The following MDN1 variants were observed in gnomAD, a reference collection of about 807,000 sequenced individuals.
MDN1 encodes midasin AAA ATPase 1.
MDN1 carries 266 observed loss-of-function variants against 669.2 expected under a neutral mutation model. The observed-to-expected ratio is 0.40, with a 90% confidence interval of 0.36 to 0.44. The LOEUF (loss-of-function observed/expected upper bound fraction) is 0.44, where lower values mean the gene tolerates loss of function less well. Among genes scored for constraint, MDN1 ranks in the 20% least tolerant of loss-of-function variants. The pLI is 1.00. For missense variants in MDN1, 5,940 were observed against 6,754.0 expected (o/e 0.88, Z 4.22); for synonymous variants, 2,385 against 2,457.1 (o/e 0.97, Z 0.87).
intron 5 of MDN1, 63 bp downstream of exon 5, chr6:89,793,699 G>A: frequency 2.2e-6 from 3 of 1,392,178 alleles, no homozygotes; most frequent in Non-Finnish European, 2.9e-6. Context: ...CCCAGCCAAA[G>A]ACAGAGCACA....
chr6:89,690,980 G>T, intron 63 of MDN1, 146 bp from the exon 64 acceptor site: 1 of 981,098 alleles, frequency 1.0e-6, no homozygotes, highest in Non-Finnish European at 1.5e-6. Context: ...TAAATTCCAT[G>T]GAATAAAGAG....
At chr6:89,806,975 A>G (rs2128330268) in intron 1 of MDN1, among the ~76,000 whole-genome samples, 1 of 152,248 alleles carries the variant, frequency 6.6e-6, no homozygotes, top group South Asian at 2.1e-4. Context: ...ATATAAAAAT[A>G]TAACTCATTT....
Position 89,690,795 on chromosome 6 carries a change from G to C in MDN1, c.10627C>G (p.Gln3543Glu), listed in dbSNP as rs1812330724. The C allele has an allele frequency of 6.2e-7, 1 of 1,613,910 alleles. No homozygotes were observed. Among genetic ancestry groups the C allele is most frequent in the Non-Finnish European group, 8.5e-7 (1 of 1,180,024 alleles). ...CCGCTTTCCTGCTCAGCCTTCTCTT[G>C]GGCTATGCGTTCCTGCTCATCCCAC... ...SEWDEQERIA[Q>E]EKAEQESGLY... Residue 3543 changes from glutamine (Q) to glutamate (E), a missense_variant, in exon 64 of 102, where the codon CAA becomes GAA. Gln to Glu is a conservative substitution (Grantham distance 29). This residue lies in a region of MDN1 where 2,280 missense variants were observed against 2,576.3 expected (regional missense o/e 0.88). Transcript: ENST00000369393.
chr6:89,763,134 T>C (rs1238389930), intron 15 of MDN1, among the ~76,000 whole-genome samples: 1 of 152,094 alleles, frequency 6.6e-6, no homozygotes, highest in Non-Finnish European at 1.5e-5. Flanking sequence ...CATGTCTAAA[T>C]AAATATGTAT....
At chr6:89,789,932 A>T in intron 6 of MDN1, 21 bp from the exon 7 acceptor site, 1 of 1,606,194 alleles carries the variant, frequency 6.2e-7, no homozygotes, top group Non-Finnish European at 8.5e-7. Context: ...AAGATAAAGT[A>T]ATTACTGAAA....
Position 89,675,566 on chromosome 6 carries a change from C to T in MDN1, c.12659G>A (p.Gly4220Asp). Residue 4220 changes from glycine to aspartate, a missense_variant, in exon 78 of 102, where the codon GGC (glycine) becomes GAC (aspartate). Transcript: ENST00000369393. ...GAACCCTCTGCACCTCTCCACGTTG[C>T]CCATGCCCATTTCCTGGCAGAAGAA... ...LATPAKEMGM[G>D]NVERCRGFSA... 1 of 1,613,620 alleles carries T rather than the reference C, an allele frequency of 6.2e-7. No individual in the cohort carries two copies. Among genetic ancestry groups the T allele is most frequent in the South Asian group, 1.1e-5 (1 of 91,026 alleles).
At position 89,803,321 on chromosome 6, in the gene MDN1, T is replaced by C; in HGVS notation, c.329+7A>G. On this transcript the variant is annotated splice_region_variant and intron_variant, in intron 2 of 101. Transcript: ENST00000369393. ...GGAGAAATGCGAATAATAAAATTGCTACTCACGGGAGGACATCAGGATGGT... is the reference window on the plus strand; with the variant it reads ...GGAGAAATGCGAATAATAAAATTGCCACTCACGGGAGGACATCAGGATGGT... The C allele has an allele frequency of 6.2e-7, 1 of 1,610,212 alleles. No homozygotes were observed. Among genetic ancestry groups the C allele is most frequent in the East Asian group, 2.2e-5 (1 of 44,864 alleles).
chr6:89,748,933 T>G (rs1036505781), intron 26 of MDN1, among the ~76,000 whole-genome samples: 20 of 151,746 alleles, frequency 1.3e-4, no homozygotes, highest in African/African-American at 4.8e-4. Flanking sequence ...GGTGCACATC[T>G]GTGGTCCCAG....
At chr6:89,716,904 G>A (rs1377509117) in intron 43 of MDN1, 95 bp from the exon 44 acceptor site, 1 of 1,300,560 alleles carries the variant, frequency 7.7e-7, no homozygotes, top group Non-Finnish European at 1.0e-6. Flanking sequence ...TCTAGCCAAG[G>A]TTTTTAAGAT....
Position 89,818,807 on chromosome 6 carries a change from C to CA in MDN1, c.102+698dup, listed in dbSNP as rs547839111. 9.6e-3 allele frequency among the ~76,000 whole-genome samples: 958 copies of CA among 99,538 alleles called. 1 individual carries two copies. Among genetic ancestry groups the CA allele is most frequent in the African/African-American group, 0.024 (649 of 27,188 alleles). 65.3% of individuals were successfully genotyped at this position (99,538 alleles called of 152,430 possible). ...CTGGCGACACAGCGAGACTCCGTCT[C>CA]AAAAAAAAAAAAAAAGTGTCTTCAA... On this transcript the variant is annotated intron_variant, in intron 1 of 101. Coordinates refer to ENST00000369393, the MANE Select transcript of MDN1 (RefSeq NM_014611.3).
At chr6:89,777,035 A>G (rs1417239424) in intron 11 of MDN1, among the ~76,000 whole-genome samples, 1 of 152,198 alleles carries the variant, frequency 6.6e-6, no homozygotes, top group Non-Finnish European at 1.5e-5. Flanking sequence ...TGACTCATAT[A>G]GTGCTGAGGT....
intron 83 of MDN1, among the ~76,000 whole-genome samples, chr6:89,669,709 A>C (rs1480528523): frequency 6.6e-6 from 1 of 152,108 alleles, no homozygotes; most frequent in Non-Finnish European, 1.5e-5. Flanking sequence ...TCATTTTACA[A>C]ATGAGGAAAC....
intron 91 of MDN1, 90 bp downstream of exon 91, chr6:89,656,610 C>CTT (rs35227833): frequency 4.9e-3 from 3,560 of 732,680 alleles, no homozygotes; most frequent in South Asian, 6.5e-3. Context: ...AGGAGTATAG[C>CTT]TTTTTTTTTT....
intron 1 of MDN1, among the ~76,000 whole-genome samples, chr6:89,807,206 C>G (rs1768078953): frequency 6.6e-6 from 1 of 152,170 alleles, no homozygotes; most frequent in Non-Finnish European, 1.5e-5. Flanking sequence ...CCTGCCTCAT[C>G]CTGCCAAGTA....
intron 12 of MDN1, 42 bp downstream of exon 12, chr6:89,776,558 T>C (rs765084052): frequency 7.4e-6 from 11 of 1,488,500 alleles, no homozygotes; most frequent in Non-Finnish European, 1.0e-5. Context: ...CAAAAAATCC[T>C]AGCCTCCTTT....
chr6:89,797,558 G>A (rs1819673810), intron 2 of MDN1: 2 of 325,830 alleles, frequency 6.1e-6, no homozygotes, highest in African/African-American at 2.2e-5. Context: ...GAGCCCAGCT[G>A]GAGCTGTGGC....
intron 2 of MDN1, among the ~76,000 whole-genome samples, chr6:89,802,096 G>A (rs1382892329): frequency 6.6e-6 from 1 of 152,176 alleles, no homozygotes; most frequent in East Asian, 1.9e-4. Context: ...GGAAAAAACT[G>A]GATAATTTTT....
chr6:89,712,166 A>G lies in MDN1; in HGVS notation c.7521T>C (p.Thr2507=). The stretch of plus-strand genomic sequence containing the variant: ...AAACATCTGGTTCATCGATCCAGTA[A>G]GTATTCACTTCGACTGCATTGAATT... ...NLKFNAVEVN[T]YWIDEPDVLV... Residue 2507 remains threonine, a synonymous_variant, in exon 49 of 102, where the codon ACT becomes ACC. Transcript: ENST00000369393. 6.2e-7 allele frequency: 1 copy of G among 1,614,166 alleles called. No homozygotes were observed. The highest frequency in any genetic ancestry group is 2.2e-5 in the East Asian group (1 of 44,868).
chr6:89,686,779 T>C, intron 69 of MDN1, 123 bp downstream of exon 69: 3 of 1,304,698 alleles, frequency 2.3e-6, no homozygotes, highest in Non-Finnish European at 3.2e-6. Flanking sequence ...TGAAGTCAAA[T>C]GGGAGGCATT....
Sources: allele counts gnomAD v4.1 joint callset (sites outside exome capture counted in the v4.1 genomes callset), GRCh38; gene constraint gnomAD v4.1.1; regional missense constraint gnomAD v4.1.1; transcripts MANE v1.5; gene names NCBI Gene and HGNC (gene_info 2026-07-23, HGNC 2026-07-21).